Variants in HDAC4 observed in about 807,000 individuals in gnomAD.
HDAC4 encodes histone deacetylase 4, also known as histone deacetylase A.
Under a neutral mutation model 135.1 loss-of-function variants are expected in HDAC4, and 16 were observed. The observed-to-expected ratio is 0.12, with a 90% CI of 0.08 to 0.18. The LOEUF (loss-of-function observed/expected upper bound fraction) is 0.18. Among genes scored for constraint, HDAC4 ranks in the 10% least tolerant of loss-of-function variants. HDAC4 has a pLI of 1.00. For missense variants in HDAC4, 1,143 were observed against 1,511.8 expected, an observed-to-expected ratio of 0.76 and a Z score of 4.05; for synonymous variants, 685 against 653.4, an observed-to-expected ratio of 1.05 and a Z score of -0.74.
rs971686402 is a variant in HDAC4, at chr2:239,285,444, G to C, written c.23-48780C>G. ...GGGGTTCCACCGAGGCTGGGGCTTC[G>C]CTAGTGTGCGGGGAGGCAGAGGAGC... On this transcript the variant is annotated intron_variant, in intron 2 of 26. Transcript: ENST00000543185. The surrounding 1 kb of genome is among the most constrained non-coding windows in gnomAD (Gnocchi z 4.5). 6.6e-6 allele frequency among the ~76,000 whole-genome samples: 1 copy of C among 152,200 alleles called. No homozygotes were observed. The highest frequency in any genetic ancestry group is 1.5e-5 in the Non-Finnish European group (1 of 68,028).
At chr2:239,312,885 G>A (rs2052950906) in intron 2 of HDAC4, among the ~76,000 whole-genome samples, 1 of 152,216 alleles carries the variant, frequency 6.6e-6, no homozygotes, top group African/African-American at 2.4e-5. Flanking sequence ...CATCTGCAGA[G>A]GGAGACCGGG....
At chr2:239,157,381 T>C (rs967513041) in intron 6 of HDAC4, among the ~76,000 whole-genome samples, 2 of 152,210 alleles carry the variant, frequency 1.3e-5, no homozygotes, top group African/African-American at 2.4e-5. Flanking sequence ...TGGCAGCTAC[T>C]GATACCCTGT....
At chr2:239,101,516 C>T (rs528612426) in intron 16 of HDAC4, among the ~76,000 whole-genome samples, 1 of 152,166 alleles carries the variant, frequency 6.6e-6, no homozygotes, top group Non-Finnish European at 1.5e-5. Flanking sequence ...CACGGCCCAC[C>T]CTCTCCTTGC....
intron 11 of HDAC4, among the ~76,000 whole-genome samples, chr2:239,133,510 A>C (rs2040738224): frequency 6.6e-6 from 1 of 152,226 alleles, no homozygotes; most frequent in Non-Finnish European, 1.5e-5. Context: ...TCTGTTGCCC[A>C]GGCTGGAGTG....
intron 2 of HDAC4, among the ~76,000 whole-genome samples, chr2:239,334,737 T>C (rs543688420): frequency 2.0e-5 from 3 of 152,140 alleles, no homozygotes; most frequent in African/African-American, 4.8e-5. Context: ...AAAATTCATA[T>C]GGAGGCCGGG....
At chr2:239,112,529 G>C (rs891185668) in intron 13 of HDAC4, among the ~76,000 whole-genome samples, 1 of 152,346 alleles carries the variant, frequency 6.6e-6, no homozygotes, top group East Asian at 1.9e-4. Context: ...TCTCTGATGA[G>C]ATGGAGCTGG....
chr2:239,312,731 C>T (rs553061113), intron 2 of HDAC4, among the ~76,000 whole-genome samples: 1 of 152,340 alleles, frequency 6.6e-6, no homozygotes, highest in African/African-American at 2.4e-5. Flanking sequence ...CCTATGGGTC[C>T]TCCAAGGCAC....
chr2:239,197,322 C>G (rs2045460004), intron 3 of HDAC4, among the ~76,000 whole-genome samples: 1 of 152,212 alleles, frequency 6.6e-6, no homozygotes, highest in Non-Finnish European at 1.5e-5. Flanking sequence ...CGTGATGCTG[C>G]ACCTTGAGTG....
intron 1 of HDAC4, among the ~76,000 whole-genome samples, chr2:239,375,699 G>T (rs1027154533): frequency 1.3e-5 from 2 of 152,226 alleles, no homozygotes; most frequent in African/African-American, 4.8e-5. Flanking sequence ...GGCAGTCTGG[G>T]GTGGAAGATC....
At chr2:239,123,359 G>A (rs1450978100) in intron 12 of HDAC4, among the ~76,000 whole-genome samples, 1 of 152,182 alleles carries the variant, frequency 6.6e-6, no homozygotes, top group East Asian at 1.9e-4. Context: ...TGCGTTCCCT[G>A]CTGTCCGCTG....
At chr2:239,290,198 TC>T (rs556066039) in intron 2 of HDAC4, among the ~76,000 whole-genome samples, 217 of 152,376 alleles carry the variant, frequency 1.4e-3, no homozygotes, top group African/African-American at 5.0e-3. Flanking sequence ...TTATTTTTTT[TC>T]AAATGTGCAC....
intron 16 of HDAC4, among the ~76,000 whole-genome samples, chr2:239,097,827 T>C (rs984352018): frequency 6.6e-6 from 1 of 152,186 alleles, no homozygotes; most frequent in African/African-American, 2.4e-5. Context: ...GGGTGCTGCC[T>C]TGGAAGGGCG....
At chr2:239,258,929 A>G (rs185327003) in intron 2 of HDAC4, among the ~76,000 whole-genome samples, 3 of 152,376 alleles carry the variant, frequency 2.0e-5, no homozygotes, top group East Asian at 1.9e-4. Context: ...TCACAAGGAA[A>G]TATCTAAAAC....
At chr2:239,259,645 C>T (rs996188042) in intron 2 of HDAC4, among the ~76,000 whole-genome samples, 1 of 152,116 alleles carries the variant, frequency 6.6e-6, no homozygotes, top group Non-Finnish European at 1.5e-5. Context: ...AAATTAAACT[C>T]ATAAAAGTGA....
intron 8 of HDAC4, among the ~76,000 whole-genome samples, chr2:239,143,289 G>A (rs1162083359): frequency 3.3e-5 from 5 of 152,052 alleles, no homozygotes; most frequent in Admixed American, 2.6e-4. Flanking sequence ...AAACGCAAAG[G>A]TTCACGTGTC....
At chr2:239,138,650 C>T (rs1157993372) in intron 9 of HDAC4, among the ~76,000 whole-genome samples, 1 of 152,208 alleles carries the variant, frequency 6.6e-6, no homozygotes, top group Non-Finnish European at 1.5e-5. Flanking sequence ...GCCCAGGGCA[C>T]CACTCAGCCT....
intron 1 of HDAC4, among the ~76,000 whole-genome samples, chr2:239,378,662 G>C (rs575428258): frequency 2.0e-5 from 3 of 151,790 alleles, no homozygotes; most frequent in African/African-American, 7.3e-5. Context: ...CAATGACCCC[G>C]GGAACCAATG....
intron 16 of HDAC4, among the ~76,000 whole-genome samples, chr2:239,101,595 G>C (rs752874929): frequency 6.6e-6 from 1 of 152,190 alleles, no homozygotes; most frequent in Non-Finnish European, 1.5e-5. Context: ...GCTCAGGGAA[G>C]AGCCAATATG....
chr2:239,314,040 C>G (rs796420315), intron 2 of HDAC4, among the ~76,000 whole-genome samples: 3 of 152,240 alleles, frequency 2.0e-5, no homozygotes, highest in South Asian at 4.1e-4. Context: ...GAGAGGACTC[C>G]CCTCAGAACT....
Sources: gnomAD v4.1 joint callset for allele counts (sites outside exome capture counted in the v4.1 genomes callset) on GRCh38, gnomAD v4.1.1 for gene constraint, Gnocchi (gnomAD v3.1) non-coding constraint, MANE v1.5 for transcripts, NCBI Gene and HGNC (gene_info 2026-07-23, HGNC 2026-07-21) for gene names.